DIAPH3: variants seen among roughly 807,000 people sequenced by gnomAD.
The protein encoded by DIAPH3 is protein diaphanous homolog 3.
In DIAPH3, 117 loss-of-function variants were observed where a neutral mutation model predicts 144.3. The observed-to-expected ratio is 0.81, with a 90% CI of 0.70 to 0.95. The LOEUF (loss-of-function observed/expected upper bound fraction) is 0.95, where lower values mean the gene tolerates loss of function less well. DIAPH3 is among the 40% of genes least tolerant of loss of function. The pLI, the probability that DIAPH3 is intolerant of heterozygous loss-of-function variation, is 0.00. For synonymous variants in DIAPH3, 519 were observed against 488.9 expected, an observed-to-expected ratio of 1.06 and a Z score of -0.81; for missense variants, 1,421 against 1,412.7, an observed-to-expected ratio of 1.01 and a Z score of -0.09.
chr13:59,880,072 T>C (rs116261911), intron 20 of DIAPH3, among the ~76,000 whole-genome samples: 1 of 152,282 alleles, frequency 6.6e-6, no homozygotes, highest in African/African-American at 2.4e-5. Context: ...ATGGGAGTAG[T>C]AGCAGGCAGA....
At chr13:60,023,437 CTT>C (rs36089305) in intron 5 of DIAPH3, among the ~76,000 whole-genome samples, 270 of 143,906 alleles carry the variant, frequency 1.9e-3, no homozygotes, top group African/African-American at 6.2e-3. Flanking sequence ...GTTTTCAGAA[CTT>C]TTTTTTTTTT....
At chr13:60,091,466 T>A (rs1291265380) in intron 4 of DIAPH3, among the ~76,000 whole-genome samples, 1 of 152,062 alleles carries the variant, frequency 6.6e-6, no homozygotes, top group Non-Finnish European at 1.5e-5. Context: ...CCCAGCTAAT[T>A]TTTATATCTT....
intron 24 of DIAPH3, among the ~76,000 whole-genome samples, chr13:59,822,295 C>T (rs1292210686): frequency 1.3e-5 from 2 of 152,092 alleles, no homozygotes; most frequent in Admixed American, 1.3e-4. Context: ...GCACAAGTCG[C>T]TATGCACAAG....
chr13:60,031,897 C>G (rs542235620), intron 5 of DIAPH3, among the ~76,000 whole-genome samples: 4 of 152,168 alleles, frequency 2.6e-5, no homozygotes, highest in Non-Finnish European at 5.9e-5. Context: ...GCACAGGCCA[C>G]CATGCCCAGC....
At chr13:59,785,686 C>T (rs1267437478) in intron 25 of DIAPH3, among the ~76,000 whole-genome samples, 6 of 152,172 alleles carry the variant, frequency 3.9e-5, no homozygotes, top group African/African-American at 1.2e-4. Context: ...CATTCATTCT[C>T]TACCTTCTCC....
At chr13:60,000,058 CAT>C (rs2052432857) in intron 9 of DIAPH3, among the ~76,000 whole-genome samples, 2 of 152,130 alleles carry the variant, frequency 1.3e-5, no homozygotes, top group African/African-American at 4.8e-5. Context: ...TCTGTATTTT[CAT>C]ATGTTACTAT....
intron 1 of DIAPH3, among the ~76,000 whole-genome samples, chr13:60,137,705 A>G (rs1330725434): frequency 1.3e-5 from 2 of 150,122 alleles, no homozygotes; most frequent in Non-Finnish European, 3.0e-5. Context: ...TTTTTAAATA[A>G]TCTTTGGCTG....
intron 24 of DIAPH3, among the ~76,000 whole-genome samples, chr13:59,817,043 AT>A (rs1389588680): frequency 6.6e-6 from 1 of 151,726 alleles, no homozygotes; most frequent in East Asian, 1.9e-4. Flanking sequence ...CATCCTTTTA[AT>A]TTTATTTCTA....
At chr13:59,782,984 G>A (rs190369909) in intron 25 of DIAPH3, among the ~76,000 whole-genome samples, 7 of 152,270 alleles carry the variant, frequency 4.6e-5, no homozygotes, top group Middle Eastern at 3.4e-3. Flanking sequence ...ACCAAGGGCT[G>A]AATATACCAT....
At position 60,004,161 on chromosome 13, in the gene DIAPH3, C is replaced by T. The variant is rs1392579130; in HGVS notation, c.1014+4383G>A. Among the ~76,000 whole-genome samples, 3 of 152,126 alleles carry T rather than the reference C, an allele frequency of 2.0e-5. No homozygotes were observed. In the East Asian group the frequency reaches 5.8e-4, roughly 29 times the overall value. On this transcript the variant is annotated intron_variant, in intron 9 of 27. Transcript: ENST00000400324. ...CAATTTAAAAGTAAACAATTGGTTC[C>T]TATTTTATTCACCAATAAACAAGTT...
intron 15 of DIAPH3, among the ~76,000 whole-genome samples, chr13:59,971,973 A>C (rs1250994026): frequency 1.3e-5 from 2 of 152,234 alleles, no homozygotes; most frequent in Non-Finnish European, 2.9e-5. Flanking sequence ...GTACTTTTCA[A>C]TAGCTCTTAT....
chr13:60,051,220 G>C (rs1353390717), intron 4 of DIAPH3, among the ~76,000 whole-genome samples: 1 of 151,904 alleles, frequency 6.6e-6, no homozygotes, highest in Non-Finnish European at 1.5e-5. Context: ...AATTTGGGGG[G>C]AGTGGGAAAA....
At chr13:59,949,685 C>T (rs1026600832) in intron 17 of DIAPH3, among the ~76,000 whole-genome samples, 1 of 152,088 alleles carries the variant, frequency 6.6e-6, no homozygotes, top group African/African-American at 2.4e-5. Flanking sequence ...CCTACAAAAA[C>T]AAAAATATTT....
chr13:60,086,473 A>C (rs1466390282), intron 4 of DIAPH3, among the ~76,000 whole-genome samples: 1 of 152,158 alleles, frequency 6.6e-6, no homozygotes, highest in Non-Finnish European at 1.5e-5. Context: ...ACCTGGAAAC[A>C]AGCAGGCAAA....
At chr13:60,040,829 A>G (rs1376621003) in intron 5 of DIAPH3, among the ~76,000 whole-genome samples, 1 of 152,106 alleles carries the variant, frequency 6.6e-6, no homozygotes, top group African/African-American at 2.4e-5. Flanking sequence ...GCAGGTGCTC[A>G]ATAATTTTTT....
intron 4 of DIAPH3, among the ~76,000 whole-genome samples, chr13:60,066,673 G>T (rs565845313): frequency 6.6e-6 from 1 of 152,254 alleles, no homozygotes; most frequent in South Asian, 2.1e-4. Context: ...TACATTCCAG[G>T]CTGAGATTAA....
intron 22 of DIAPH3, 80 bp downstream of exon 22, chr13:59,861,327 C>T (rs1021862606): frequency 1.2e-6 from 2 of 1,607,688 alleles, no homozygotes; most frequent in African/African-American, 2.7e-5. Flanking sequence ...GTGGAAAGTA[C>T]ATACAAATAA....
chr13:60,142,148 A>G (rs1472785781), intron 1 of DIAPH3, among the ~76,000 whole-genome samples: 1 of 152,238 alleles, frequency 6.6e-6, no homozygotes, highest in Non-Finnish European at 1.5e-5. Context: ...GAATAGTCAC[A>G]AATATTTTGT....
At chr13:60,080,403 C>T (rs1354984845) in intron 4 of DIAPH3, among the ~76,000 whole-genome samples, 1 of 151,812 alleles carries the variant, frequency 6.6e-6, no homozygotes, top group Admixed American at 6.6e-5. Flanking sequence ...TGAAAATGAA[C>T]ATACTGTACA....
Sources: gnomAD v4.1 joint callset for allele counts (sites outside exome capture counted in the v4.1 genomes callset) on GRCh38, gnomAD v4.1.1 for gene constraint, MANE v1.5 for transcripts, NCBI Gene and HGNC (gene_info 2026-07-23, HGNC 2026-07-21) for gene names.